The following RBM6 variants were observed in gnomAD, a reference collection of about 807,000 sequenced individuals.
RBM6 encodes RNA-binding protein 6.
A neutral mutation model predicts 140.4 loss-of-function variants in RBM6; 23 were observed. The observed-to-expected ratio is 0.16, with a 90% CI of 0.12 to 0.23. The LOEUF (loss-of-function observed/expected upper bound fraction) is 0.23, where lower values mean the gene tolerates loss of function less well. Among genes scored for constraint, RBM6 ranks in the 10% least tolerant of loss-of-function variants. The pLI is 1.00. For synonymous variants in RBM6, 439 were observed against 475.6 expected (o/e 0.92, Z 1.00); for missense variants, 1,139 against 1,386.7 (o/e 0.82, Z 2.84).
chr3:50,052,987 GT>G (rs1197820799), intron 7 of RBM6, among the ~76,000 whole-genome samples: 25 of 1,230 alleles, frequency 0.02, no homozygotes, highest in East Asian at 0.11. Context: ...GTGGGCAGGG[GT>G]GTGTGTGTGT....
At chr3:49,949,252 G>T (rs1575518595) in intron 1 of RBM6, among the ~76,000 whole-genome samples, 1 of 151,850 alleles carries the variant, frequency 6.6e-6, no homozygotes, top group East Asian at 1.9e-4. Flanking sequence ...GAAATAAAAA[G>T]AATAGGTCTT....
intron 4 of RBM6, among the ~76,000 whole-genome samples, chr3:49,973,269 C>T (rs898813271): frequency 2.0e-5 from 3 of 151,998 alleles, no homozygotes; most frequent in African/African-American, 2.4e-5. Flanking sequence ...GCTGGGACCA[C>T]GGGCATGCAT....
At chr3:49,987,593 G>A (rs576016968) in intron 5 of RBM6, among the ~76,000 whole-genome samples, 4 of 151,806 alleles carry the variant, frequency 2.6e-5, no homozygotes, top group South Asian at 2.1e-4. Context: ...CTGGGATTAC[G>A]GACATAAGAT....
At chr3:49,942,061 A>G (rs892771081) in intron 1 of RBM6, among the ~76,000 whole-genome samples, 5 of 151,396 alleles carry the variant, frequency 3.3e-5, no homozygotes, top group Admixed American at 6.6e-5. Context: ...AGATAGTGCC[A>G]CTGCACTCCA....
At chr3:50,075,669 T>C (rs1356159555) in intron 20 of RBM6, among the ~76,000 whole-genome samples, 1 of 152,230 alleles carries the variant, frequency 6.6e-6, no homozygotes. Context: ...CAGAGGCATC[T>C]CTGAGAGGGA....
rs1383751903 is a variant in RBM6, at chr3:50,025,666, C to T, written c.1558-22579C>T. ...TTGGGAACTCCTGGCCTTAAGCCGT[C>T]CTCCTGCTTCAGTCTCCCAAAGTGT... On this transcript the variant is annotated intron_variant, in intron 6 of 20. Coordinates refer to ENST00000266022, the MANE Select transcript of RBM6 (RefSeq NM_005777.3). 2.0e-5 allele frequency among the ~76,000 whole-genome samples: 3 copies of T among 149,070 alleles called. No homozygotes were observed. The East Asian group carries it at 6.0e-4, about 30-fold the overall frequency.
At chr3:49,988,077 A>G (rs1023394348) in intron 5 of RBM6, among the ~76,000 whole-genome samples, 1 of 152,198 alleles carries the variant, frequency 6.6e-6, no homozygotes, top group African/African-American at 2.4e-5. Context: ...GTGGGACTCA[A>G]CTGATTTTGT....
At chr3:49,964,989 T>C (rs764061146) in intron 2 of RBM6, among the ~76,000 whole-genome samples, 1 of 152,202 alleles carries the variant, frequency 6.6e-6, no homozygotes, top group African/African-American at 2.4e-5. Flanking sequence ...AAAACAGATA[T>C]AGGAAAATGA....
chr3:49,998,587 T>C (rs2086189152), intron 5 of RBM6, among the ~76,000 whole-genome samples: 1 of 152,196 alleles, frequency 6.6e-6, no homozygotes, highest in Non-Finnish European at 1.5e-5. Context: ...GACTTCCCAG[T>C]CTCGTGAGTC....
chr3:49,996,797 G>A (rs950194215), intron 5 of RBM6, among the ~76,000 whole-genome samples: 1 of 152,182 alleles, frequency 6.6e-6, no homozygotes, highest in East Asian at 1.9e-4. Flanking sequence ...GGCTTCTAGA[G>A]TTTAGAATTA....
chr3:49,958,767 C>A (rs2084132445), intron 1 of RBM6, among the ~76,000 whole-genome samples: 1 of 144,124 alleles, frequency 6.9e-6, no homozygotes, highest in Non-Finnish European at 1.5e-5. Flanking sequence ...AAAAAAAATT[C>A]ATTCTGAAGA....
chr3:50,006,176 G>A (rs1251920606), intron 6 of RBM6, among the ~76,000 whole-genome samples: 1 of 141,732 alleles, frequency 7.1e-6, no homozygotes, highest in African/African-American at 2.7e-5. Context: ...ATGGAGTCTC[G>A]CTGTGTCGCC....
chr3:49,984,611 A>ACATCG (rs72219946), intron 5 of RBM6, among the ~76,000 whole-genome samples: 1,567 of 86,102 alleles, frequency 0.018, 8 homozygotes, highest in Non-Finnish European at 0.025. Flanking sequence ...ACATCACATC[A>ACATCG]CATCGCATCG....
intron 3 of RBM6, among the ~76,000 whole-genome samples, chr3:49,970,543 A>G (rs2084743926): frequency 6.6e-6 from 1 of 152,184 alleles, no homozygotes; most frequent in African/African-American, 2.4e-5. Context: ...ATTCATTGAG[A>G]GAATACTTAG....
At chr3:50,043,784 A>G (rs1393624368) in intron 6 of RBM6, among the ~76,000 whole-genome samples, 3 of 151,416 alleles carry the variant, frequency 2.0e-5, no homozygotes, top group Non-Finnish European at 4.4e-5. Context: ...GGATTTCACC[A>G]TGTTGGCAGG....
intron 15 of RBM6, among the ~76,000 whole-genome samples, chr3:50,062,703 C>T (rs547806391): frequency 5.3e-5 from 8 of 152,024 alleles, no homozygotes; most frequent in Non-Finnish European, 1.0e-4. Context: ...ACTTTATACA[C>T]ATTTCTCTAG....
At chr3:49,940,263 C>T (rs2108551198) in intron 1 of RBM6, 38 bp downstream of exon 1, 1 of 152,520 alleles carries the variant, frequency 6.6e-6, no homozygotes, top group East Asian at 1.9e-4. Flanking sequence ...GTGCCAGAGC[C>T]TGCCAGGGAA....
intron 10 of RBM6, chr3:50,058,832 C>T (rs574877450): frequency 7.6e-5 from 17 of 222,790 alleles, no homozygotes; most frequent in Admixed American, 6.4e-4. Context: ...AGGAGAATGG[C>T]GTGAACTCCG....
At chr3:49,941,944 A>G (rs2083300400) in intron 1 of RBM6, among the ~76,000 whole-genome samples, 1 of 151,672 alleles carries the variant, frequency 6.6e-6, no homozygotes. Context: ...AATACAAAAA[A>G]AAAAAATTAG....
Sources: gnomAD v4.1 joint callset for allele counts (sites outside exome capture counted in the v4.1 genomes callset) on GRCh38, gnomAD v4.1.1 for gene constraint, MANE v1.5 for transcripts, NCBI Gene and HGNC (gene_info 2026-07-23, HGNC 2026-07-21) for gene names.